Variants in INTS8 observed in about 807,000 individuals in gnomAD.
The protein encoded by INTS8 is protein kaonashi-1.
In INTS8, 47 loss-of-function variants were observed where a neutral mutation model predicts 138.9. The ratio of observed to expected loss-of-function variants is 0.34; its 90% CI spans 0.27 to 0.43. INTS8 has a LOEUF of 0.43. Among genes scored for constraint, INTS8 ranks in the 20% least tolerant of loss-of-function variants. The pLI is 1.00. For synonymous variants in INTS8, 392 were observed against 400.9 expected (o/e 0.98, Z 0.27); for missense variants, 996 against 1,173.0 (o/e 0.85, Z 2.20).
chr8:94,867,457 C>T, intron 20 of INTS8, 120 bp downstream of exon 20: 5 of 641,602 alleles, frequency 7.8e-6, no homozygotes, highest in South Asian at 2.1e-5. Flanking sequence ...ATTCTACAGT[C>T]TTTGTGTTTC....
chr8:94,853,130 A>C (rs1044040400), intron 13 of INTS8, among the ~76,000 whole-genome samples: 2 of 151,938 alleles, frequency 1.3e-5, no homozygotes, highest in African/African-American at 4.8e-5. Context: ...TAGGCAACAT[A>C]GCGAAACCCC....
chr8:94,843,998 C>T (rs117454145), intron 10 of INTS8, among the ~76,000 whole-genome samples: 4,636 of 145,040 alleles, frequency 0.032, 105 homozygotes, highest in Middle Eastern at 0.049. Context: ...AGTGTTATGC[C>T]TCTTTTTTTT....
chr8:94,823,685 A>G (rs574318023), intron 1 of INTS8, 124 bp downstream of exon 1: 8 of 740,784 alleles, frequency 1.1e-5, no homozygotes, highest in Non-Finnish European at 1.7e-5. Context: ...ACAGGAGCCC[A>G]GCTCCGGCCG....
intron 23 of INTS8, 77 bp from the exon 24 acceptor site, chr8:94,875,997 A>T (rs776509312): frequency 2.2e-6 from 2 of 922,580 alleles, no homozygotes; most frequent in East Asian, 4.8e-5. Context: ...AAGGCTTAAT[A>T]TAAGAGTAAT....
At chr8:94,879,822 C>T (rs982212271) in intron 26 of INTS8, 12 of 178,720 alleles carry the variant, frequency 6.7e-5, no homozygotes, top group African/African-American at 2.4e-4. Flanking sequence ...CTCTAAAAAT[C>T]GCCATGTAGA....
At chr8:94,826,210 T>C (rs4735328) in intron 2 of INTS8, among the ~76,000 whole-genome samples, 115,844 of 152,196 alleles carry the variant, frequency 0.76, 44,166 homozygotes, top group Middle Eastern at 0.81. Flanking sequence ...AGAGTTTATA[T>C]TCTCACCAGT....
chr8:94,832,896 C>A (rs975810271), intron 6 of INTS8, among the ~76,000 whole-genome samples: 2 of 152,048 alleles, frequency 1.3e-5, no homozygotes, highest in East Asian at 3.9e-4. Context: ...CCTCGTGATC[C>A]GCCCGCCTCG....
chr8:94,839,452 A>G (rs940552040), intron 8 of INTS8, among the ~76,000 whole-genome samples: 6 of 152,184 alleles, frequency 3.9e-5, no homozygotes, highest in African/African-American at 1.4e-4. Context: ...GCCATAACTT[A>G]GTTTTGTGTC....
chr8:94,837,953 G>T (rs764413231), intron 7 of INTS8, among the ~76,000 whole-genome samples: 1 of 151,930 alleles, frequency 6.6e-6, no homozygotes, highest in Non-Finnish European at 1.5e-5. Flanking sequence ...CCATAGGCTG[G>T]ATCTGGCCTA....
At chr8:94,831,684 A>G (rs1009170219) in intron 5 of INTS8, among the ~76,000 whole-genome samples, 6 of 149,886 alleles carry the variant, frequency 4.0e-5, no homozygotes, top group Non-Finnish European at 8.9e-5. Context: ...GTTTCACCCT[A>G]TTGGTCAGGC....
At chr8:94,845,225 G>A (rs533132643) in intron 10 of INTS8, among the ~76,000 whole-genome samples, 2 of 152,094 alleles carry the variant, frequency 1.3e-5, no homozygotes, top group Non-Finnish European at 2.9e-5. Context: ...TTCCTTTCAC[G>A]TTTAGGTCTT....
intron 26 of INTS8, 43 bp downstream of exon 26, chr8:94,876,532 A>G: frequency 2.4e-6 from 3 of 1,247,434 alleles, no homozygotes; most frequent in Non-Finnish European, 3.4e-6. Flanking sequence ...AGTTTCCAGA[A>G]TATTAAACAA....
intron 20 of INTS8, among the ~76,000 whole-genome samples, chr8:94,870,094 C>T (rs976942007): frequency 3.3e-5 from 5 of 151,672 alleles, no homozygotes; most frequent in African/African-American, 1.2e-4. Context: ...CTATGTCACC[C>T]AGGCTGGAGT....
intron 5 of INTS8, among the ~76,000 whole-genome samples, chr8:94,829,954 A>G (rs1814651496): frequency 6.6e-6 from 1 of 152,200 alleles, no homozygotes; most frequent in Admixed American, 6.5e-5. Context: ...GCCGGAGTGC[A>G]GTGGCGGAGT....
chr8:94,828,573 A>C (rs1402348416), intron 4 of INTS8, among the ~76,000 whole-genome samples: 4 of 152,320 alleles, frequency 2.6e-5, no homozygotes, highest in South Asian at 2.1e-4. Flanking sequence ...GCTAGAAAGC[A>C]TAGTTTCTAA....
intron 8 of INTS8, among the ~76,000 whole-genome samples, 192 bp downstream of exon 8, chr8:94,838,810 T>C (rs1258757002): frequency 6.6e-6 from 1 of 152,226 alleles, no homozygotes; most frequent in African/African-American, 2.4e-5. Context: ...GAAGTTATAG[T>C]GCACAAATTC....
Position 94,865,706 on chromosome 8 carries a change from T to G in INTS8, c.2261+16T>G, listed in dbSNP as rs1359416587. On this transcript the variant is annotated intron_variant, in intron 17 of 26. Transcript: ENST00000523731. ...TCATGTATCGGTATGTATTGGTACG[T>G]TTCTATTAGTTGTGTTTGAGTTCTT... is the stretch of plus-strand genomic sequence containing the variant. 1.2e-6 allele frequency: 2 copies of G among 1,605,634 alleles called. No homozygotes were observed. The highest frequency in any genetic ancestry group is 1.7e-6 in the Non-Finnish European group (2 of 1,173,250).
rs536936044 is a variant in INTS8, at chr8:94,871,736, G to A, written c.2415-148G>A. Reference sequence around the variant, plus strand: ...TTTCTTAGACTTAGTTGTGTTGATAGTTCTTATAATACATTTACTCCTAGT... The same window carrying A: ...TTTCTTAGACTTAGTTGTGTTGATAATTCTTATAATACATTTACTCCTAGT... On this transcript the variant is annotated intron_variant, in intron 20 of 26. Coordinates refer to ENST00000523731, the MANE Select transcript of INTS8 (RefSeq NM_017864.4). 10 of 579,788 alleles carry A rather than the reference G, an allele frequency of 1.7e-5. No individual in the cohort carries two copies. The East Asian group carries it at 3.1e-4, about 18-fold the overall frequency. The allele number at this position is 579,788 out of a possible 1,614,324, so 35.9% of individuals were successfully genotyped here.
Position 94,876,117 on chromosome 8 carries a change from CAG to C in INTS8, c.2733_2734del (p.Ala912ValfsTer2). The C allele has an allele frequency of 6.2e-7, 1 of 1,610,860 alleles. No individual in the cohort carries two copies. The highest frequency in any genetic ancestry group is 8.5e-7 in the Non-Finnish European group (1 of 1,177,364). ...TTCCTCAGAGAAATTGACTACAAAA[CAG>C]CGTTTAAATCTCTGCAAGAACAAAA... On this transcript the variant is annotated frameshift_variant, in exon 24 of 27. Transcript: ENST00000523731. LOFTEE classifies it high-confidence loss of function.
Sources: allele counts gnomAD v4.1 joint callset (sites outside exome capture counted in the v4.1 genomes callset), GRCh38; gene constraint gnomAD v4.1.1; transcripts MANE v1.5; gene names NCBI Gene and HGNC (gene_info 2026-07-23, HGNC 2026-07-21).